Variants in KIRREL3 observed in about 807,000 individuals in gnomAD.
The protein encoded by KIRREL3 is kin of IRRE-like protein 3.
KIRREL3 carries 36 observed loss-of-function variants against 89.7 expected under a neutral mutation model. The observed-to-expected ratio is 0.40, with a 90% confidence interval of 0.31 to 0.53. The LOEUF (loss-of-function observed/expected upper bound fraction) is 0.53. KIRREL3 is among the 20% of genes least tolerant of loss of function. The pLI is 0.49. For missense variants in KIRREL3, 864 were observed against 1,056.6 expected (o/e 0.82, Z 2.53); for synonymous variants, 445 against 441.4 (o/e 1.01, Z -0.10).
At chr11:126,966,419 T>C (rs1278612351) in intron 1 of KIRREL3, among the ~76,000 whole-genome samples, 2 of 152,178 alleles carry the variant, frequency 1.3e-5, no homozygotes, top group African/African-American at 2.4e-5. Flanking sequence ...CTTGGGCGTA[T>C]TGATTGAGTG....
chr11:126,456,057 T>TTTTTTTTTTTTTTTTTTTTTTTTTC (rs147218473), intron 7 of KIRREL3, among the ~76,000 whole-genome samples: 3 of 109,802 alleles, frequency 2.7e-5, no homozygotes, highest in African/African-American at 3.6e-5. Context: ...TTTTTTTTTT[T>TTTTTTTTTTTTTTTTTTTTTTTTTC]CCTGAGCCTT....
Position 126,436,837 on chromosome 11 carries a change from G to T in KIRREL3, c.1526C>A (p.Thr509Asn). The T allele has an allele frequency of 6.2e-7, 1 of 1,613,692 alleles. No individual in the cohort carries two copies. Among genetic ancestry groups the T allele is most frequent in the Non-Finnish European group, 8.5e-7 (1 of 1,179,882 alleles). ...CTAWNSFGSD[T>N]EIIRLKEQGS... The stretch of plus-strand genomic sequence containing the variant: ...TTGCTCCTTGAGCCGGATGATCTCA[G>T]TGTCGGAGCCGAAGCTGTTCCAGGC... Residue 509 changes from threonine to asparagine, a missense_variant, in exon 12 of 17, where the codon ACT becomes AAT. Transcript: ENST00000525144.
chr11:126,915,648 T>G (rs1471097342), intron 1 of KIRREL3, among the ~76,000 whole-genome samples: 1 of 152,214 alleles, frequency 6.6e-6, no homozygotes, highest in Non-Finnish European at 1.5e-5. Flanking sequence ...AGCACTAAAG[T>G]ACCACTCATC....
At chr11:126,868,717 T>G (rs1387322507) in intron 1 of KIRREL3, among the ~76,000 whole-genome samples, 1 of 152,136 alleles carries the variant, frequency 6.6e-6, no homozygotes, top group East Asian at 1.9e-4. Flanking sequence ...CTCAGCAGCA[T>G]TCAACTCTAC....
At chr11:126,590,609 A>T (rs545757653) in intron 1 of KIRREL3, among the ~76,000 whole-genome samples, 1 of 152,314 alleles carries the variant, frequency 6.6e-6, no homozygotes, top group East Asian at 1.9e-4. Context: ...AAGGAGGAGA[A>T]ATGGTCTGTG....
rs1293111973 is a variant in KIRREL3, at chr11:126,761,988, G to C, written c.56-199076C>G. 6.6e-6 allele frequency among the ~76,000 whole-genome samples: 1 copy of C among 152,076 alleles called. No homozygotes were observed. The highest frequency in any genetic ancestry group is 1.5e-5 in the Non-Finnish European group (1 of 68,010). On this transcript the variant is annotated intron_variant, in intron 1 of 16. Transcript: ENST00000525144. This position sits in a 1 kb window ranked among gnomAD's most constrained non-coding sequence, Gnocchi z 4.4. ...GAGGTCAGGAGTTGAAGACTAGCCT[G>C]GCCAACATGGTGAAACCCTATCTCT...
chr11:126,897,404 A>C lies in KIRREL3; in HGVS notation c.55+103051T>G, dbSNP rs1946210006. ...GAAAGCCTTCCCCAAGCGTTCTCTT[A>C]TTTTGGGGAAAAAAAATGAATGTGC... On this transcript the variant is annotated intron_variant, in intron 1 of 16. Coordinates refer to ENST00000525144, the MANE Select transcript of KIRREL3 (RefSeq NM_032531.4). The surrounding 1 kb of genome is among the most constrained non-coding windows in gnomAD (Gnocchi z 4.2). Among the ~76,000 whole-genome samples, 1 of 152,102 alleles carries C rather than the reference A, an allele frequency of 6.6e-6. No individual in the cohort carries two copies. The highest frequency in any genetic ancestry group is 2.4e-5 in the African/African-American group (1 of 41,420).
intron 1 of KIRREL3, among the ~76,000 whole-genome samples, chr11:126,621,902 T>G (rs1259767659): frequency 1.3e-5 from 2 of 152,252 alleles, no homozygotes; most frequent in African/African-American, 4.8e-5. Flanking sequence ...TCAAACCTTC[T>G]GAAGGTAATT....
chr11:126,675,624 T>C (rs1489528102), intron 1 of KIRREL3, among the ~76,000 whole-genome samples: 1 of 152,210 alleles, frequency 6.6e-6, no homozygotes, highest in Non-Finnish European at 1.5e-5. Flanking sequence ...CAATGCCTAC[T>C]GTCGTTGCCA....
In KIRREL3 at chr11:126,791,775, C is replaced by T. The variant is rs967339366; in HGVS notation, c.55+208680G>A. Among the ~76,000 whole-genome samples, 9 of 152,152 alleles carry T rather than the reference C, an allele frequency of 5.9e-5. No individual in the cohort carries two copies. Among genetic ancestry groups the T allele is most frequent in the African/African-American group, 1.4e-4 (6 of 41,440 alleles). On this transcript the variant is annotated intron_variant, in intron 1 of 16. Transcript: ENST00000525144. The surrounding 1 kb of genome is among the most constrained non-coding windows in gnomAD (Gnocchi z 4.8). ...CTTGCCTTCTTTGATTTCTAGAAGA[C>T]TTCCTTTGCTTGTAGACACCTTTTA... is the stretch of plus-strand genomic sequence containing the variant.
At position 126,684,239 on chromosome 11, in the gene KIRREL3, T is replaced by A. The variant is rs1239938003; in HGVS notation, c.56-121327A>T. Reference sequence around the variant, plus strand: ...CTGCAGACTCTGCCTCTGTGCCCGTTCTGGGAAAGCCCCTGGGCTTGCTGG... The same window carrying A: ...CTGCAGACTCTGCCTCTGTGCCCGTACTGGGAAAGCCCCTGGGCTTGCTGG... On this transcript the variant is annotated intron_variant, in intron 1 of 16. Transcript: ENST00000525144. This position sits in a 1 kb window ranked among gnomAD's most constrained non-coding sequence, Gnocchi z 4.2. Among the ~76,000 whole-genome samples, 2 of 152,210 alleles carry A rather than the reference T, an allele frequency of 1.3e-5. No individual in the cohort carries two copies. The highest frequency in any genetic ancestry group is 2.9e-5 in the Non-Finnish European group (2 of 68,038).
rs956687846 is a variant in KIRREL3, at chr11:126,897,203, G to T, written c.55+103252C>A. Reference sequence around the variant, plus strand: ...TCCCATGGGGAAGGGCAGCAATTTGGCCCCAGGACACCAGGTTGGTGGCAG... The same window carrying T: ...TCCCATGGGGAAGGGCAGCAATTTGTCCCCAGGACACCAGGTTGGTGGCAG... On this transcript the variant is annotated intron_variant, in intron 1 of 16. Coordinates refer to ENST00000525144, the MANE Select transcript of KIRREL3 (RefSeq NM_032531.4). This position sits in a 1 kb window ranked among gnomAD's most constrained non-coding sequence, Gnocchi z 4.2. Among the ~76,000 whole-genome samples, 1 of 152,122 alleles carries T rather than the reference G, an allele frequency of 6.6e-6. No homozygotes were observed. Among genetic ancestry groups the T allele is most frequent in the African/African-American group, 2.4e-5 (1 of 41,426 alleles).
At position 126,664,977 on chromosome 11, in the gene KIRREL3, G is replaced by A. The variant is rs1945590183; in HGVS notation, c.56-102065C>T. Among the ~76,000 whole-genome samples the A allele has an allele frequency of 1.3e-5, 2 of 152,196 alleles. No individual in the cohort carries two copies. Among genetic ancestry groups the A allele is most frequent in the Non-Finnish European group, 2.9e-5 (2 of 68,040 alleles). On this transcript the variant is annotated intron_variant, in intron 1 of 16. Transcript: ENST00000525144. The surrounding 1 kb of genome is among the most constrained non-coding windows in gnomAD (Gnocchi z 5.4). ...TTCGACACATTATTCATAACATGAT[G>A]ATTATTTTGGAGTGCGTTCTTTTGC...
chr11:126,793,623 G>A (rs1950713696), intron 1 of KIRREL3, among the ~76,000 whole-genome samples: 1 of 152,208 alleles, frequency 6.6e-6, no homozygotes, highest in African/African-American at 2.4e-5. Context: ...GGAGAGCACA[G>A]GTCCTTCCTA....
intron 1 of KIRREL3, among the ~76,000 whole-genome samples, chr11:126,672,284 A>T (rs1354202330): frequency 6.6e-6 from 1 of 152,224 alleles, no homozygotes; most frequent in Non-Finnish European, 1.5e-5. Flanking sequence ...AAGACCCTAA[A>T]GTTGGGAGGG....
chr11:126,918,834 C>G lies in KIRREL3; in HGVS notation c.55+81621G>C, dbSNP rs1947149694. Among the ~76,000 whole-genome samples, 1 of 152,008 alleles carries G rather than the reference C, an allele frequency of 6.6e-6. No individual in the cohort carries two copies. Among genetic ancestry groups the G allele is most frequent in the African/African-American group, 2.4e-5 (1 of 41,364 alleles). ...TTATAAAGAATGGGGAGCTAGCTGC[C>G]AAGACATTCCTATGACACCAGATGG... On this transcript the variant is annotated intron_variant, in intron 1 of 16. Transcript: ENST00000525144. The surrounding 1 kb of genome is among the most constrained non-coding windows in gnomAD (Gnocchi z 6.5).
At chr11:126,445,763 C>T (rs561906615) in intron 9 of KIRREL3, among the ~76,000 whole-genome samples, 56 of 152,296 alleles carry the variant, frequency 3.7e-4, no homozygotes, top group Admixed American at 1.0e-3. Flanking sequence ...CTTCTGGTCC[C>T]CCTGCTTCCC....
At position 126,763,382 on chromosome 11, in the gene KIRREL3, T is replaced by A. The variant is rs1158153313; in HGVS notation, c.56-200470A>T. 1.3e-5 allele frequency among the ~76,000 whole-genome samples: 2 copies of A among 152,146 alleles called. No homozygotes were observed. The highest frequency in any genetic ancestry group is 4.8e-5 in the African/African-American group (2 of 41,434). ...AGGGCAGTGCTCCTCACTTCCTCCATCTGCTCAGCACCCAACAGTGCTCTG... is the reference window on the plus strand; with the variant it reads ...AGGGCAGTGCTCCTCACTTCCTCCAACTGCTCAGCACCCAACAGTGCTCTG... On this transcript the variant is annotated intron_variant, in intron 1 of 16. Transcript: ENST00000525144. The surrounding 1 kb of genome is among the most constrained non-coding windows in gnomAD (Gnocchi z 4.7).
In KIRREL3 at chr11:126,977,498, T is replaced by C. The variant is rs1174642611; in HGVS notation, c.55+22957A>G. ...CTGTTTTTATTATGAATTCCTAAGA[T>C]TAGCATCCACTTTCTTTCGAGATTC... On this transcript the variant is annotated intron_variant, in intron 1 of 16. Coordinates refer to ENST00000525144, the MANE Select transcript of KIRREL3 (RefSeq NM_032531.4). The surrounding 1 kb of genome is among the most constrained non-coding windows in gnomAD (Gnocchi z 4.7). Among the ~76,000 whole-genome samples, 1 of 152,242 alleles carries C rather than the reference T, an allele frequency of 6.6e-6. No homozygotes were observed. Among genetic ancestry groups the C allele is most frequent in the Non-Finnish European group, 1.5e-5 (1 of 68,046 alleles).
Sources: allele counts gnomAD v4.1 joint callset (sites outside exome capture counted in the v4.1 genomes callset), GRCh38; gene constraint gnomAD v4.1.1; non-coding constraint Gnocchi (gnomAD v3.1); transcripts MANE v1.5; gene names NCBI Gene and HGNC (gene_info 2026-07-23, HGNC 2026-07-21).